EFEMP1: variants seen among roughly 807,000 people sequenced by gnomAD.
EFEMP1 encodes EGF-containing fibulin-like extracellular matrix protein 1.
EFEMP1 carries 18 observed loss-of-function variants against 65.7 expected under a neutral mutation model. The observed-to-expected ratio is 0.27, with a 90% CI of 0.19 to 0.41. The LOEUF is 0.41. Ranked by LOEUF, EFEMP1 falls within the 10% of genes least tolerant of loss-of-function variation. The pLI, the probability that EFEMP1 is intolerant of heterozygous loss-of-function variation, is 1.00. For synonymous variants in EFEMP1, 237 were observed against 219.7 expected (o/e 1.08, Z -0.70); for missense variants, 469 against 624.8 (o/e 0.75, Z 2.66).
Position 55,923,388 on chromosome 2 carries a change from A to G in EFEMP1, c.-49+323T>C, listed in dbSNP as rs1043103351. 6.6e-5 allele frequency among the ~76,000 whole-genome samples: 10 copies of G among 152,118 alleles called. No individual in the cohort carries two copies. The highest frequency in any genetic ancestry group is 1.9e-4 in the East Asian group (1 of 5,166). On this transcript the variant is annotated intron_variant, in intron 1 of 11. Coordinates refer to ENST00000355426, the MANE Select transcript of EFEMP1 (RefSeq NM_001039348.3). The surrounding 1 kb of genome is among the most constrained non-coding windows in gnomAD (Gnocchi z 5.3). ...GCGTCCCAGCTTCTAACCAGCTCCT[A>G]TGGAATCCAGGTGCGGCTTAAATCT...
rs955535015 is a variant in EFEMP1 at position 55,866,075 on chromosome 2, G to A, written c.*998C>T. On this transcript the variant is annotated 3_prime_UTR_variant, in exon 12 of 12. Transcript: ENST00000355426. ...TAAAATATTCCATAGAATTGGGTAG[G>A]AGGGTAATTTGCTTAAGTTCACTGT... 6.6e-6 allele frequency: 1 copy of A among 152,140 alleles called. No individual in the cohort carries two copies. Among genetic ancestry groups the A allele is most frequent in the Non-Finnish European group, 1.5e-5 (1 of 68,010 alleles). 9.4% of individuals were successfully genotyped at this position (152,140 alleles called of 1,614,324 possible).
At position 55,870,425 on chromosome 2, in the gene EFEMP1, CAG is replaced by C. The variant is rs1299420881; in HGVS notation, c.1320+293_1320+294del. Among the ~76,000 whole-genome samples the C allele has an allele frequency of 1.3e-5, 2 of 152,044 alleles. No individual in the cohort carries two copies. Among genetic ancestry groups the C allele is most frequent in the African/African-American group, 2.4e-5 (1 of 41,388 alleles). ...TTTTCGTGGTCACACACAACTCTAT[CAG>C]AGTCTGCCAAACTTAATATTTGAGT... On this transcript the variant is annotated intron_variant, in intron 11 of 11. Transcript: ENST00000355426. This position sits in a 1 kb window ranked among gnomAD's most constrained non-coding sequence, Gnocchi z 5.8.
At chr2:55,889,824 T>TAAAA (rs3048101) in intron 5 of EFEMP1, among the ~76,000 whole-genome samples, 1 of 142,362 alleles carries the variant, frequency 7.0e-6, no homozygotes, top group Non-Finnish European at 1.5e-5. Context: ...AAAGGAATGG[T>TAAAA]AAAAAAAAAA....
chr2:55,874,623 C>G (rs1192524697), intron 9 of EFEMP1, among the ~76,000 whole-genome samples: 1 of 152,060 alleles, frequency 6.6e-6, no homozygotes. Context: ...AACTCAAACT[C>G]ACAGGTGAAA....
Position 55,873,302 on chromosome 2 carries a change from G to A in EFEMP1, c.1000+1644C>T, listed in dbSNP as rs1251071987. On this transcript the variant is annotated intron_variant, in intron 9 of 11. Coordinates refer to ENST00000355426, the MANE Select transcript of EFEMP1 (RefSeq NM_001039348.3). The surrounding 1 kb of genome is among the most constrained non-coding windows in gnomAD (Gnocchi z 4.6). Reference sequence around the variant, plus strand: ...AAGTCTTTTTCACAAAAAATGTTTTGGCTTAACCAAACATTCTGAAGCTGC... The same window carrying A: ...AAGTCTTTTTCACAAAAAATGTTTTAGCTTAACCAAACATTCTGAAGCTGC... Among the ~76,000 whole-genome samples, 1 of 151,942 alleles carries A rather than the reference G, an allele frequency of 6.6e-6. No homozygotes were observed. Among genetic ancestry groups the A allele is most frequent in the East Asian group, 1.9e-4 (1 of 5,192 alleles).
Position 55,919,719 on chromosome 2 carries a change from A to T in EFEMP1, c.82-1452T>A, listed in dbSNP as rs1371330760. ...AGAGATCCATTTAGATATTTTACTG[A>T]TGTCTGAAACTTACTGGAGCGAGAA... On this transcript the variant is annotated intron_variant, in intron 3 of 11. Coordinates refer to ENST00000355426, the MANE Select transcript of EFEMP1 (RefSeq NM_001039348.3). The surrounding 1 kb of genome is among the most constrained non-coding windows in gnomAD (Gnocchi z 4.5). Among the ~76,000 whole-genome samples the T allele has an allele frequency of 6.6e-6, 1 of 152,246 alleles. No homozygotes were observed. The highest frequency in any genetic ancestry group is 1.5e-5 in the Non-Finnish European group (1 of 68,036).
rs74918096 is a variant in EFEMP1 at position 55,867,865 on chromosome 2, G to C, written c.1321-631C>G. 5.2e-4 allele frequency among the ~76,000 whole-genome samples: 79 copies of C among 152,236 alleles called. No individual in the cohort carries two copies. The highest frequency in any genetic ancestry group is 1.8e-3 in the African/African-American group (75 of 41,566). On this transcript the variant is annotated intron_variant, in intron 11 of 11. Transcript: ENST00000355426. The surrounding 1 kb of genome is among the most constrained non-coding windows in gnomAD (Gnocchi z 4.3). ...GAAGAACTGGGTGCAGTTTCATTTT[G>C]ATGAATAATATGATGGGCTCTTGTG...
chr2:55,912,489 A>G (rs1670512779), intron 5 of EFEMP1, among the ~76,000 whole-genome samples: 1 of 152,228 alleles, frequency 6.6e-6, no homozygotes. Flanking sequence ...GAAGCTGTAT[A>G]TGTTACTTCA....
At chr2:55,888,855 G>A (rs1669527398) in intron 5 of EFEMP1, among the ~76,000 whole-genome samples, 1 of 152,134 alleles carries the variant, frequency 6.6e-6, no homozygotes, top group South Asian at 2.1e-4. Flanking sequence ...GGATGGCCTT[G>A]GGAGGAATTA....
Position 55,922,160 on chromosome 2 carries a change from G to A in EFEMP1, c.81+200C>T. 2 of 572,168 alleles carry A rather than the reference G, an allele frequency of 3.5e-6. No homozygotes were observed. The highest frequency in any genetic ancestry group is 3.3e-5 in the East Asian group (1 of 30,278). The allele number at this position is 572,168 out of a possible 1,614,324, so 35.4% of individuals were successfully genotyped here. A position where few individuals can be genotyped will look rare whatever the true frequency, so the allele number is the denominator to read the frequency against. ...GATTACATGTTGGTTCCTATCTTAG[G>A]TGGTGAGCCCAATGAACTTTTGAAA... On this transcript the variant is annotated intron_variant, in intron 3 of 11. Transcript: ENST00000355426. This position sits in a 1 kb window ranked among gnomAD's most constrained non-coding sequence, Gnocchi z 5.5.
rs1670829850 is a variant in EFEMP1 at position 55,919,347 on chromosome 2, T to G, written c.82-1080A>C. Among the ~76,000 whole-genome samples the G allele has an allele frequency of 2.0e-5, 3 of 152,164 alleles. No homozygotes were observed. In the South Asian group the frequency reaches 6.2e-4, roughly 32 times the overall value. The stretch of plus-strand genomic sequence containing the variant: ...GGATCATTCAGGGTTCTTGTTAAAA[T>G]GAAGATTCCTGGGCCCACCCAAAGG... On this transcript the variant is annotated intron_variant, in intron 3 of 11. Coordinates refer to ENST00000355426, the MANE Select transcript of EFEMP1 (RefSeq NM_001039348.3). The surrounding 1 kb of genome is among the most constrained non-coding windows in gnomAD (Gnocchi z 4.5).
chr2:55,901,875 C>T (rs1439202648), intron 5 of EFEMP1, among the ~76,000 whole-genome samples: 1 of 152,194 alleles, frequency 6.6e-6, no homozygotes, highest in Non-Finnish European at 1.5e-5. Context: ...CCTTCTCTTG[C>T]CCCCTCACTT....
At chr2:55,881,755 A>G in intron 5 of EFEMP1, 21 bp from the exon 6 acceptor site, 1 of 1,613,932 alleles carries the variant, frequency 6.2e-7, no homozygotes, top group Non-Finnish European at 8.5e-7. Context: ...CATGCAACAC[A>G]GAAAGAATTG....
At chr2:55,911,899 T>A (rs1001768120) in intron 5 of EFEMP1, among the ~76,000 whole-genome samples, 8 of 152,210 alleles carry the variant, frequency 5.3e-5, no homozygotes, top group African/African-American at 1.7e-4. Context: ...ATAAATTGAC[T>A]AGAAATTTAA....
intron 5 of EFEMP1, among the ~76,000 whole-genome samples, chr2:55,913,825 C>A (rs1443135999): frequency 6.6e-6 from 1 of 151,758 alleles, no homozygotes; most frequent in Non-Finnish European, 1.5e-5. Context: ...GCCTGGCCAA[C>A]ATGGTGAAAC....
Position 55,922,112 on chromosome 2 carries a change from C to T in EFEMP1, c.81+248G>A. 2.2e-6 allele frequency: 1 copy of T among 462,856 alleles called. No homozygotes were observed. The highest frequency in any genetic ancestry group is 2.1e-5 in the South Asian group (1 of 47,604). 28.7% of individuals were successfully genotyped at this position (462,856 alleles called of 1,614,324 possible). A position where few individuals can be genotyped will look rare whatever the true frequency, so the allele number is the denominator to read the frequency against. On this transcript the variant is annotated intron_variant, in intron 3 of 11. Transcript: ENST00000355426. The surrounding 1 kb of genome is among the most constrained non-coding windows in gnomAD (Gnocchi z 5.5). ...CTTTGGTTTTAGTTTTTGAACGGATCCCATTTTTAGCCCTGCACAAATGAT... is the reference window on the plus strand; with the variant it reads ...CTTTGGTTTTAGTTTTTGAACGGATTCCATTTTTAGCCCTGCACAAATGAT...
chr2:55,920,566 C>A (rs925085532), intron 3 of EFEMP1, among the ~76,000 whole-genome samples: 4 of 152,274 alleles, frequency 2.6e-5, no homozygotes, highest in African/African-American at 9.6e-5. Context: ...ATCTTTCAAG[C>A]CAGGCAAAAA....
At chr2:55,902,881 T>C in intron 5 of EFEMP1, among the ~76,000 whole-genome samples, 1 of 152,244 alleles carries the variant, frequency 6.6e-6, no homozygotes, top group East Asian at 1.9e-4. Flanking sequence ...GCCAGGCATA[T>C]ATCAATCAAG....
At chr2:55,907,692 G>C (rs1430197) in intron 5 of EFEMP1, among the ~76,000 whole-genome samples, 1 of 152,088 alleles carries the variant, frequency 6.6e-6, no homozygotes, top group African/African-American at 2.4e-5. Context: ...TCCCTAACCC[G>C]GGTTGTGACA....
Sources: gnomAD v4.1 joint callset for allele counts (sites outside exome capture counted in the v4.1 genomes callset) on GRCh38, gnomAD v4.1.1 for gene constraint, Gnocchi (gnomAD v3.1) non-coding constraint, MANE v1.5 for transcripts, NCBI Gene and HGNC (gene_info 2026-07-23, HGNC 2026-07-21) for gene names.